Variants in SNTG1 observed in about 807,000 individuals in gnomAD.
The protein encoded by SNTG1 is syntrophin gamma 1.
In SNTG1, 39 loss-of-function variants were observed where a neutral mutation model predicts 74.7. The ratio of observed to expected loss-of-function variants is 0.52; its 90% CI spans 0.40 to 0.68. SNTG1 has a LOEUF of 0.68. SNTG1 is among the 30% of genes least tolerant of loss of function. SNTG1 has a pLI of 0.00. For synonymous variants in SNTG1, 254 were observed against 217.1 expected (o/e 1.17, Z -1.49); for missense variants, 685 against 609.5 (o/e 1.12, Z -1.30).
chr8:50,103,138 A>T lies in SNTG1; in HGVS notation c.-102-69423A>T, dbSNP rs1378299311. ...TGATGGGGATGGCATTGAATCTATA[A>T]ATTACCTTGGGCCGTATGGCCATTT... On this transcript the variant is annotated intron_variant, in intron 1 of 18. Coordinates refer to ENST00000642720, the MANE Select transcript of SNTG1 (RefSeq NM_018967.5). Among the ~76,000 whole-genome samples the T allele has an allele frequency of 4.6e-5, 7 of 152,230 alleles. 1 individual carries two copies. The South Asian group carries it at 1.2e-3, about 27-fold the overall frequency.
chr8:50,186,128 G>A (rs1047767471), intron 2 of SNTG1, among the ~76,000 whole-genome samples: 18 of 152,112 alleles, frequency 1.2e-4, no homozygotes, highest in Non-Finnish European at 2.5e-4. Context: ...TTAGTTTGCT[G>A]AGGATGATGG....
chr8:50,679,269 A>G (rs1401035131), intron 15 of SNTG1, among the ~76,000 whole-genome samples: 1 of 152,134 alleles, frequency 6.6e-6, no homozygotes, highest in Non-Finnish European at 1.5e-5. Flanking sequence ...TGTCTAATTA[A>G]CATGGATTAC....
At chr8:50,072,797 G>C (rs1821491036) in intron 1 of SNTG1, among the ~76,000 whole-genome samples, 1 of 152,156 alleles carries the variant, frequency 6.6e-6, no homozygotes, top group South Asian at 2.1e-4. Context: ...TTGTAATAAA[G>C]TGAATCACAC....
rs969275677 is a variant in SNTG1 at position 50,125,026 on chromosome 8, C to A, written c.-102-47535C>A. Among the ~76,000 whole-genome samples, 4 of 141,722 alleles carry A rather than the reference C, an allele frequency of 2.8e-5. 1 individual carries two copies. The highest frequency in any genetic ancestry group is 1.0e-4 in the African/African-American group (4 of 39,230). 93.0% of individuals were successfully genotyped at this position (141,722 alleles called of 152,430 possible). ...TACTTATCTATGGATAAAGCCATAC[C>A]TGAAAGCACTGAGATTTCTGCCATC... On this transcript the variant is annotated intron_variant, in intron 1 of 18. Transcript: ENST00000642720.
intron 1 of SNTG1, among the ~76,000 whole-genome samples, chr8:50,148,371 AC>A (rs1202755244): frequency 6.6e-6 from 1 of 152,202 alleles, no homozygotes; most frequent in Non-Finnish European, 1.5e-5. Flanking sequence ...AGAATAAAGT[AC>A]ATAAAGTGAG....
intron 8 of SNTG1, among the ~76,000 whole-genome samples, chr8:50,452,744 T>C (rs1287454615): frequency 2.0e-5 from 3 of 152,236 alleles, no homozygotes; most frequent in South Asian, 2.1e-4. Context: ...CTTTGAAATA[T>C]GAGTACTAAT....
At chr8:50,689,471 T>C (rs1460590765) in intron 15 of SNTG1, among the ~76,000 whole-genome samples, 1 of 152,152 alleles carries the variant, frequency 6.6e-6, no homozygotes, top group African/African-American at 2.4e-5. Context: ...TTGTTGAATT[T>C]TGTCAAAGGC....
chr8:50,503,801 T>C (rs903775821), intron 9 of SNTG1, among the ~76,000 whole-genome samples: 5 of 152,242 alleles, frequency 3.3e-5, no homozygotes, highest in African/African-American at 9.6e-5. Flanking sequence ...ACCAGCACTG[T>C]TCCCAGTATT....
In SNTG1 at chr8:50,235,389, C is replaced by T. The variant is rs558598257; in HGVS notation, c.-28+62754C>T. ...ATTTCACTCTTGTGGGACCCCAAAA[C>T]CTTGTTCTCATAAATAGAATTAATC... On this transcript the variant is annotated intron_variant, in intron 2 of 18. Transcript: ENST00000642720. 2.6e-5 allele frequency among the ~76,000 whole-genome samples: 4 copies of T among 152,228 alleles called. No homozygotes were observed. In the East Asian group the frequency reaches 5.8e-4, roughly 22 times the overall value.
intron 8 of SNTG1, among the ~76,000 whole-genome samples, chr8:50,474,159 G>A (rs569235950): frequency 6.6e-6 from 1 of 151,960 alleles, no homozygotes; most frequent in African/African-American, 2.4e-5. Flanking sequence ...CAGGACATAG[G>A]CATGGGCAAG....
At chr8:50,273,243 A>G (rs2087888831) in intron 2 of SNTG1, among the ~76,000 whole-genome samples, 1 of 152,134 alleles carries the variant, frequency 6.6e-6, no homozygotes, top group Non-Finnish European at 1.5e-5. Context: ...TCAGAATACA[A>G]TTGTGAAGTT....
intron 1 of SNTG1, among the ~76,000 whole-genome samples, chr8:50,059,613 T>A (rs1820309050): frequency 6.6e-6 from 1 of 152,142 alleles, no homozygotes; most frequent in Admixed American, 6.6e-5. Flanking sequence ...CTTTTGTGAT[T>A]CACTTCTTTC....
intron 18 of SNTG1, among the ~76,000 whole-genome samples, chr8:50,781,505 C>T (rs12681566): frequency 0.11 from 17,209 of 152,026 alleles, 2,908 homozygotes; most frequent in African/African-American, 0.37. Flanking sequence ...AAGTCTGTTT[C>T]ATCAGAGACT....
intron 2 of SNTG1, chr8:50,286,619 T>A (rs534442139): frequency 6.6e-6 from 1 of 152,308 alleles, no homozygotes; most frequent in South Asian, 2.1e-4. Flanking sequence ...CTGAGCCGGG[T>A]TGTCGGCTTC....
intron 1 of SNTG1, among the ~76,000 whole-genome samples, chr8:50,060,535 T>G (rs1820381020): frequency 6.6e-6 from 1 of 152,018 alleles, no homozygotes. Flanking sequence ...ATGGTGTGAT[T>G]TATGGGGATT....
intron 9 of SNTG1, among the ~76,000 whole-genome samples, chr8:50,508,322 G>T (rs929864390): frequency 1.3e-5 from 2 of 152,110 alleles, no homozygotes; most frequent in African/African-American, 2.4e-5. Context: ...GTCTATCATT[G>T]TTGGATATTT....
At chr8:50,254,092 A>T (rs2129951622) in intron 2 of SNTG1, among the ~76,000 whole-genome samples, 1 of 152,318 alleles carries the variant, frequency 6.6e-6, no homozygotes, top group African/African-American at 2.4e-5. Flanking sequence ...GAGGTGATGG[A>T]TACACTCGAT....
At chr8:50,714,950 C>CA (rs2095471596) in intron 17 of SNTG1, among the ~76,000 whole-genome samples, 1 of 152,010 alleles carries the variant, frequency 6.6e-6, no homozygotes, top group Non-Finnish European at 1.5e-5. Flanking sequence ...AAAACAACAA[C>CA]AAAAACAAAA....
intron 15 of SNTG1, among the ~76,000 whole-genome samples, chr8:50,699,613 T>C (rs2095416742): frequency 6.6e-6 from 1 of 151,992 alleles, no homozygotes; most frequent in Admixed American, 6.6e-5. Flanking sequence ...AGTGAGAAAA[T>C]TGAGAAAAAT....
Sources: gnomAD v4.1 joint callset for allele counts (sites outside exome capture counted in the v4.1 genomes callset) on GRCh38, gnomAD v4.1.1 for gene constraint, MANE v1.5 for transcripts, NCBI Gene and HGNC (gene_info 2026-07-23, HGNC 2026-07-21) for gene names.